Variants in ADGB observed in about 807,000 individuals in gnomAD.
ADGB encodes the protein androglobin, also known as calpain-7-like protein.
ADGB carries 172 observed loss-of-function variants against 210.5 expected under a neutral mutation model. The observed-to-expected ratio is 0.82, with a 90% CI of 0.72 to 0.93. The LOEUF (loss-of-function observed/expected upper bound fraction) is 0.93, where lower values mean the gene tolerates loss of function less well. Ranked by LOEUF, ADGB falls within the 40% of genes least tolerant of loss-of-function variation. ADGB has a pLI of 0.00. For synonymous variants in ADGB, 658 were observed against 662.7 expected (o/e 0.99, Z 0.11); for missense variants, 2,025 against 1,964.8 (o/e 1.03, Z -0.58).
At chr6:146,644,742 T>G in intron 2 of ADGB, 31 bp from the exon 3 acceptor site, 4 of 1,227,910 alleles carry the variant, frequency 3.3e-6, no homozygotes, top group Non-Finnish European at 4.4e-6. Flanking sequence ...TAAAAGAATA[T>G]GCAGAAAAAA....
intron 29 of ADGB, among the ~76,000 whole-genome samples, chr6:146,781,353 GAAAAA>G (rs1196626129): frequency 1.0e-5 from 1 of 96,152 alleles, no homozygotes; most frequent in Non-Finnish European, 2.2e-5. Context: ...AAAAGAAAAA[GAAAAA>G]AAAAAAAGAA....
chr6:146,604,525 A>G (rs1490335536), intron 1 of ADGB, among the ~76,000 whole-genome samples: 3 of 151,988 alleles, frequency 2.0e-5, no homozygotes. Context: ...TTACCTGTAC[A>G]CTGACTTTAG....
At chr6:146,787,410 C>T (rs1161458431) in intron 32 of ADGB, among the ~76,000 whole-genome samples, 3 of 152,072 alleles carry the variant, frequency 2.0e-5, no homozygotes, top group Admixed American at 6.6e-5. Flanking sequence ...ATATGTACCC[C>T]GTATGTCTCA....
Position 146,654,115 on chromosome 6 carries a change from T to TAC in ADGB, c.331-18_331-17dup. 1 of 1,402,338 alleles carries TAC rather than the reference T, an allele frequency of 7.1e-7. No homozygotes were observed. Among genetic ancestry groups the TAC allele is most frequent in the Non-Finnish European group, 9.8e-7 (1 of 1,017,122 alleles). The allele number at this position is 1,402,338 out of a possible 1,614,324, so 86.9% of individuals were successfully genotyped here. ...ATTATTTTTCTTATGGAGTAATATA[T>TAC]ACATATATATTTTTTTCAGACTCCA... On this transcript the variant is annotated intron_variant, in intron 3 of 35. Coordinates refer to ENST00000397944, the MANE Select transcript of ADGB (RefSeq NM_024694.4).
intron 9 of ADGB, among the ~76,000 whole-genome samples, chr6:146,680,845 A>G (rs1776148227): frequency 6.6e-6 from 1 of 152,140 alleles, no homozygotes; most frequent in Admixed American, 6.6e-5. Flanking sequence ...AAAGAAGGCT[A>G]TTTCTTTACC....
chr6:146,660,163 A>G (rs1009626980), intron 5 of ADGB, among the ~76,000 whole-genome samples: 1 of 152,150 alleles, frequency 6.6e-6, no homozygotes, highest in African/African-American at 2.4e-5. Flanking sequence ...TTTCCAGGGT[A>G]GAGCCTGCAA....
chr6:146,629,104 T>C (rs1781022802), intron 1 of ADGB, among the ~76,000 whole-genome samples: 1 of 152,198 alleles, frequency 6.6e-6, no homozygotes, highest in African/African-American at 2.4e-5. Flanking sequence ...TTAAAGGCCC[T>C]TCCACATACA....
chr6:146,619,187 T>G (rs962134754), intron 1 of ADGB, among the ~76,000 whole-genome samples: 1 of 152,034 alleles, frequency 6.6e-6, no homozygotes, highest in African/African-American at 2.4e-5. Context: ...TAAGTATAGC[T>G]ATTTCTGCTC....
chr6:146,771,804 G>T (rs971648144), intron 29 of ADGB, among the ~76,000 whole-genome samples: 1 of 152,196 alleles, frequency 6.6e-6, no homozygotes, highest in African/African-American at 2.4e-5. Flanking sequence ...GTATGAGCTT[G>T]TGTGTTCACC....
intron 33 of ADGB, among the ~76,000 whole-genome samples, chr6:146,797,933 A>G (rs1264302651): frequency 2.0e-5 from 3 of 152,034 alleles, no homozygotes; most frequent in South Asian, 2.1e-4. Context: ...AAATAAATAA[A>G]TAAACAAATA....
intron 27 of ADGB, among the ~76,000 whole-genome samples, chr6:146,758,076 T>C (rs1468354153): frequency 6.6e-6 from 1 of 152,072 alleles, no homozygotes; most frequent in Non-Finnish European, 1.5e-5. Flanking sequence ...CTTCCATCAC[T>C]TGTCCTTCAC....
chr6:146,628,110 A>C (rs1354587308), intron 1 of ADGB, among the ~76,000 whole-genome samples: 4 of 152,142 alleles, frequency 2.6e-5, no homozygotes, highest in Non-Finnish European at 5.9e-5. Flanking sequence ...TTAAGATGAT[A>C]GATTTTAAAG....
At position 146,734,025 on chromosome 6, in the gene ADGB, T is replaced by C; in HGVS notation, c.2789T>C (p.Ile930Thr). ...GTTAGATTGCTTATGAAAGCCAGAA[T>C]ACCAGGTATGATTGTCCAAACATTT... The part of the protein sequence containing the change: ...TYVRLLMKAR[I>T]PDTKENISVA... The change falls in exon 22 of 36, where the codon ATA (isoleucine) becomes ACA (threonine). Residue 930 changes from isoleucine (I) to threonine (T), a missense_variant. Physicochemically the swap from Ile to Thr is moderately conservative, Grantham distance 89. Transcript: ENST00000397944. The C allele has an allele frequency of 1.3e-6, 2 of 1,551,286 alleles. No homozygotes were observed. Among genetic ancestry groups the C allele is most frequent in the Non-Finnish European group, 1.7e-6 (2 of 1,146,806 alleles).
At chr6:146,732,532 G>A (rs1403646420) in intron 20 of ADGB, among the ~76,000 whole-genome samples, 1 of 151,854 alleles carries the variant, frequency 6.6e-6, no homozygotes, top group African/African-American at 2.4e-5. Flanking sequence ...TAATATGTAA[G>A]GGGTCTTGGT....
chr6:146,628,788 C>T (rs1039450760), intron 1 of ADGB, among the ~76,000 whole-genome samples: 3 of 152,006 alleles, frequency 2.0e-5, no homozygotes, highest in Admixed American at 1.3e-4. Context: ...ACACTGGGCA[C>T]AATGTCCCCC....
chr6:146,667,691 C>T (rs1032416402), intron 7 of ADGB, among the ~76,000 whole-genome samples: 2 of 152,008 alleles, frequency 1.3e-5, no homozygotes, highest in Non-Finnish European at 2.9e-5. Context: ...CACTTATAAA[C>T]CTGTCACACT....
At chr6:146,742,887 CT>C (rs567940065) in intron 25 of ADGB, among the ~76,000 whole-genome samples, 5 of 148,992 alleles carry the variant, frequency 3.4e-5, no homozygotes, top group East Asian at 2.0e-4. Context: ...TTTTGTGATT[CT>C]TTTTTTTTTA....
intron 9 of ADGB, among the ~76,000 whole-genome samples, chr6:146,685,061 T>G (rs1776206334): frequency 6.6e-6 from 1 of 151,980 alleles, no homozygotes; most frequent in African/African-American, 2.4e-5. Flanking sequence ...GTAAAAAAAT[T>G]TAATTAAATA....
At chr6:146,758,253 G>A (rs1562293827) in intron 27 of ADGB, among the ~76,000 whole-genome samples, 1 of 151,976 alleles carries the variant, frequency 6.6e-6, no homozygotes, top group South Asian at 2.1e-4. Context: ...TCTTTAAAAT[G>A]GCTGTTTTCT....
Sources: allele counts gnomAD v4.1 joint callset (sites outside exome capture counted in the v4.1 genomes callset), GRCh38; gene constraint gnomAD v4.1.1; transcripts MANE v1.5; gene names NCBI Gene and HGNC (gene_info 2026-07-23, HGNC 2026-07-21).